Variants in SPART observed in about 807,000 individuals in gnomAD.
SPART encodes spastic paraplegia 20 (Troyer syndrome).
A neutral mutation model predicts 58.7 loss-of-function variants in SPART; 35 were observed. That is an observed-to-expected ratio of 0.60 (90% CI 0.46 to 0.79). The LOEUF is 0.79. SPART is among the 30% of genes least tolerant of loss of function. The pLI is 0.00. For synonymous variants in SPART, 284 were observed against 280.7 expected (o/e 1.01, Z -0.12); for missense variants, 730 against 786.1 (o/e 0.93, Z 0.85).
At chr13:36,312,724 T>C in intron 6 of SPART, 1 of 552,302 alleles carries the variant, frequency 1.8e-6, no homozygotes. Flanking sequence ...ACTACAGGCA[T>C]GAAGCATAGA....
chr13:36,322,539 G>T (rs531029984), intron 5 of SPART, among the ~76,000 whole-genome samples: 4 of 152,226 alleles, frequency 2.6e-5, no homozygotes, highest in Non-Finnish European at 4.4e-5. Flanking sequence ...AGATTATATA[G>T]AACCCAACTT....
At chr13:36,367,619 CTT>C (rs1274577930) in intron 1 of SPART, among the ~76,000 whole-genome samples, 1 of 150,214 alleles carries the variant, frequency 6.7e-6, no homozygotes, top group African/African-American at 2.5e-5. Context: ...AAAAAAAAAA[CTT>C]AAAATAATTA....
intron 2 of SPART, 112 bp downstream of exon 2, chr13:36,334,909 T>C (rs1373375624): frequency 2.4e-6 from 2 of 827,332 alleles, no homozygotes; most frequent in Non-Finnish European, 4.0e-6. Flanking sequence ...AAAAACAAAG[T>C]AGAATTTGTC....
At chr13:36,340,856 ATG>A (rs948573861) in intron 1 of SPART, among the ~76,000 whole-genome samples, 2 of 152,236 alleles carry the variant, frequency 1.3e-5, no homozygotes, top group Non-Finnish European at 2.9e-5. Flanking sequence ...TCTAGGGAAA[ATG>A]ATGTTGAGCA....
At chr13:36,315,987 G>A (rs1205290031) in intron 5 of SPART, among the ~76,000 whole-genome samples, 3 of 152,198 alleles carry the variant, frequency 2.0e-5, no homozygotes, top group African/African-American at 7.2e-5. Flanking sequence ...ACATAAATAT[G>A]TTAAAACTGT....
intron 1 of SPART, among the ~76,000 whole-genome samples, chr13:36,340,535 G>A (rs1200398581): frequency 6.6e-6 from 1 of 152,004 alleles, no homozygotes; most frequent in Non-Finnish European, 1.5e-5. Context: ...ATAGAAGAAG[G>A]AAATTATACA....
chr13:36,344,213 T>C (rs1164553346), intron 1 of SPART, among the ~76,000 whole-genome samples: 3 of 152,072 alleles, frequency 2.0e-5, no homozygotes, highest in African/African-American at 7.2e-5. Context: ...CTTCAATAGG[T>C]AGCATTTGAA....
intron 3 of SPART, among the ~76,000 whole-genome samples, chr13:36,329,772 G>T (rs1040562060): frequency 3.3e-5 from 5 of 152,142 alleles, no homozygotes; most frequent in Non-Finnish European, 7.4e-5. Flanking sequence ...ACAACTTATA[G>T]CAGTTGTTGG....
At chr13:36,339,834 A>C (rs1157562063) in intron 1 of SPART, among the ~76,000 whole-genome samples, 1 of 152,100 alleles carries the variant, frequency 6.6e-6, no homozygotes, top group East Asian at 1.9e-4. Context: ...TAGGAGACTG[A>C]GACAGGAGGA....
In SPART at chr13:36,304,289, G is replaced by T; in HGVS notation, c.*76C>A. On this transcript the variant is annotated 3_prime_UTR_variant, in exon 9 of 9. Coordinates refer to ENST00000438666, the MANE Select transcript of SPART (RefSeq NM_015087.5). The stretch of plus-strand genomic sequence containing the variant: ...TAAAAAATACTGGTTAATCTGTGAG[G>T]AATTCCACATTTGCCTATTTAACAA... The T allele has an allele frequency of 1.3e-6, 2 of 1,537,050 alleles. No individual in the cohort carries two copies. The highest frequency in any genetic ancestry group is 3.3e-5 in the Admixed American group (2 of 59,884).
upstream of SPART, among the ~76,000 whole-genome samples, chr13:36,348,369 A>C (rs1237039483): frequency 6.6e-6 from 1 of 152,234 alleles, no homozygotes; most frequent in Non-Finnish European, 1.5e-5. Flanking sequence ...CATACATTTA[A>C]ATAGAATTTT....
At chr13:36,327,239 G>A (rs1206210606) in intron 4 of SPART, among the ~76,000 whole-genome samples, 1 of 152,214 alleles carries the variant, frequency 6.6e-6, no homozygotes, top group African/African-American at 2.4e-5. Context: ...CAGCTGTGAT[G>A]AGAGCCTGGG....
At position 36,304,227 on chromosome 13, in the gene SPART, A is replaced by C. The variant is rs1353944330; in HGVS notation, c.*138T>G. Reference sequence around the variant, plus strand: ...CCTTTTAAATAGAAGACATGCCATAAAATTTATGAAAGTTAATTTGTAGGA... The same window carrying C: ...CCTTTTAAATAGAAGACATGCCATACAATTTATGAAAGTTAATTTGTAGGA... On this transcript the variant is annotated 3_prime_UTR_variant, in exon 9 of 9. Coordinates refer to ENST00000438666, the MANE Select transcript of SPART (RefSeq NM_015087.5). The C allele has an allele frequency of 1.2e-5, 13 of 1,040,008 alleles. No homozygotes were observed. The highest frequency in any genetic ancestry group is 1.4e-6 in the Non-Finnish European group (1 of 693,256). 64.4% of individuals were successfully genotyped at this position (1,040,008 alleles called of 1,614,324 possible).
chr13:36,319,654 G>A (rs200925520), intron 5 of SPART, among the ~76,000 whole-genome samples: 14,579 of 117,996 alleles, frequency 0.12, 1,142 homozygotes, highest in East Asian at 0.31. Flanking sequence ...CATATCCTCA[G>A]TACCTGCCTC....
intron 1 of SPART, among the ~76,000 whole-genome samples, chr13:36,355,719 C>A (rs1885597165): frequency 6.6e-6 from 1 of 152,154 alleles, no homozygotes; most frequent in African/African-American, 2.4e-5. Context: ...TCAGCCAGGG[C>A]TCTTTTAAAA....
Position 36,335,235 on chromosome 13 carries a change from T to C in SPART, c.596A>G (p.Glu199Gly), listed in dbSNP as rs1445476462. The part of the protein sequence containing the change: ...TDSGEFSSVG[E>G]EFYRNHSQPP... ...CTGAGAATGATTCCTATAAAACTCCTCTCCAACTGATGAAAACTCCCCAGA... is the reference window on the plus strand; with the variant it reads ...CTGAGAATGATTCCTATAAAACTCCCCTCCAACTGATGAAAACTCCCCAGA... Residue 199 changes from glutamate (E) to glycine (G), a missense_variant, in exon 2 of 9, where the codon GAG becomes GGG. Glu to Gly is a moderately conservative substitution (Grantham distance 98). Transcript: ENST00000438666. The C allele has an allele frequency of 1.2e-6, 2 of 1,614,062 alleles. No homozygotes were observed. Among genetic ancestry groups the C allele is most frequent in the Non-Finnish European group, 1.7e-6 (2 of 1,180,016 alleles).
intron 5 of SPART, among the ~76,000 whole-genome samples, chr13:36,325,691 C>G (rs558590449): frequency 6.6e-6 from 1 of 152,228 alleles, no homozygotes; most frequent in South Asian, 2.1e-4. Context: ...CACTAATGAT[C>G]ATTCTGGCTT....
At chr13:36,318,065 T>C (rs1205295011) in intron 5 of SPART, among the ~76,000 whole-genome samples, 2 of 151,934 alleles carry the variant, frequency 1.3e-5, no homozygotes, top group East Asian at 3.9e-4. Context: ...CGTCGCTGAG[T>C]CTTTCTAATC....
intron 5 of SPART, among the ~76,000 whole-genome samples, chr13:36,317,010 C>T (rs1266782607): frequency 6.6e-6 from 1 of 152,170 alleles, no homozygotes; most frequent in African/African-American, 2.4e-5. Context: ...CAATCTCTCC[C>T]TTCTCTTAAT....
Sources: allele counts gnomAD v4.1 joint callset (sites outside exome capture counted in the v4.1 genomes callset), GRCh38; gene constraint gnomAD v4.1.1; transcripts MANE v1.5; gene names NCBI Gene and HGNC (gene_info 2026-07-23, HGNC 2026-07-21).